The following MATR3 variants were observed in gnomAD, a reference collection of about 807,000 sequenced individuals.
MATR3 encodes the protein matrin 3, also known as matrin-3.
A neutral mutation model predicts 85.5 loss-of-function variants in MATR3; 4 were observed. That is an observed-to-expected ratio of 0.05 (90% confidence interval 0.02 to 0.11). The LOEUF (loss-of-function observed/expected upper bound fraction) is 0.11. Among genes scored for constraint, MATR3 ranks in the 10% least tolerant of loss-of-function variants. The pLI is 1.00. For missense variants in MATR3, 685 were observed against 1,016.1 expected, an observed-to-expected ratio of 0.67 and a Z score of 4.43; for synonymous variants, 336 against 343.1, an observed-to-expected ratio of 0.98 and a Z score of 0.23.
At chr5:139,320,318 A>G (rs975899971) in intron 9 of MATR3, among the ~76,000 whole-genome samples, 2 of 152,030 alleles carry the variant, frequency 1.3e-5, no homozygotes. Context: ...AAAAAAAAAA[A>G]TTTAGAGTTA....
intron 3 of MATR3, among the ~76,000 whole-genome samples, chr5:139,281,647 C>G (rs1188212298): frequency 6.6e-6 from 1 of 152,062 alleles, no homozygotes; most frequent in East Asian, 1.9e-4. Context: ...CTACCACACC[C>G]AGCCGAAGTA....
At chr5:139,319,578 A>G (rs1755433695) in intron 9 of MATR3, 77 bp downstream of exon 9, 4 of 1,346,468 alleles carry the variant, frequency 3.0e-6, no homozygotes, top group African/African-American at 1.5e-5. Context: ...GCTGGGCGTC[A>G]TTCCTCAACC....
At chr5:139,322,094 C>G in intron 10 of MATR3, 65 bp downstream of exon 10, 1 of 1,536,096 alleles carries the variant, frequency 6.5e-7, no homozygotes, top group South Asian at 1.1e-5. Flanking sequence ...CCACAACATT[C>G]TTTTAAACAT....
chr5:139,318,802 C>T (rs1755390737), intron 7 of MATR3, 106 bp from the exon 8 acceptor site: 4 of 1,018,372 alleles, frequency 3.9e-6, no homozygotes, highest in Non-Finnish European at 6.0e-6. Context: ...TTAAATATAT[C>T]TGAAAAGATT....
rs541164799 is a variant in MATR3 at position 139,328,583 on chromosome 5, A to G, written c.2494-762A>G. Among the ~76,000 whole-genome samples the G allele has an allele frequency of 1.1e-4, 16 of 152,298 alleles. 1 individual carries two copies. The South Asian group carries it at 1.5e-3, about 14-fold the overall frequency. On this transcript the variant is annotated intron_variant, in intron 14 of 14. Transcript: ENST00000394805. ...AGCCATAATCATTTAAGTGTCATCT[A>G]TAGTTGTTTTAGTTTATAATTGAGT...
rs1033118784 is a variant in MATR3, at chr5:139,319,497, G to A, written c.1598G>A (p.Ser533Asn). ...AATTACATATTGATGAGGATGAAAA[G>A]TCAGGTAATATACATAAGGAAGTTT... ...IKNYILMRMK[S>N]QAFIEMETRE... Residue 533 changes from serine (S) to asparagine (N), a missense_variant, in exon 9 of 15, where the codon AGT (serine) becomes AAT (asparagine). Physicochemically the swap from Ser to Asn is conservative, Grantham distance 46. Transcript: ENST00000394805. 2.0e-5 allele frequency: 32 copies of A among 1,612,444 alleles called. No homozygotes were observed. Among genetic ancestry groups the A allele is most frequent in the Non-Finnish European group, 2.6e-5 (31 of 1,179,048 alleles).
chr5:139,309,447 A>T (rs749749105), intron 2 of MATR3, among the ~76,000 whole-genome samples: 8 of 152,140 alleles, frequency 5.3e-5, no homozygotes, highest in Non-Finnish European at 1.2e-4. Flanking sequence ...AGCATTTTTT[A>T]GTAAATGAGT....
At chr5:139,289,254 T>G (rs1413229028), upstream of MATR3, among the ~76,000 whole-genome samples, 1 of 152,220 alleles carries the variant, frequency 6.6e-6, no homozygotes, top group Admixed American at 6.5e-5. Flanking sequence ...TCACAATGGC[T>G]ATTTAAACAT....
chr5:139,328,137 C>T (rs1342977297), intron 14 of MATR3, among the ~76,000 whole-genome samples: 1 of 150,786 alleles, frequency 6.6e-6, no homozygotes, highest in East Asian at 1.9e-4. Flanking sequence ...GCTGGGATTA[C>T]AGGCGTGAGC....
At chr5:139,313,752 A>G (rs1275940396) in intron 2 of MATR3, 1 of 152,198 alleles carries the variant, frequency 6.6e-6, no homozygotes, top group Non-Finnish European at 1.5e-5. Flanking sequence ...ATTTTGATAA[A>G]TGGGATTCGT....
intron 13 of MATR3, 109 bp from the exon 14 acceptor site, chr5:139,326,054 G>A: frequency 3.9e-6 from 4 of 1,035,608 alleles, no homozygotes; most frequent in Non-Finnish European, 5.8e-6. Flanking sequence ...GGCTGTATTG[G>A]ACTTCTCAAA....
Position 139,329,852 on chromosome 5 carries a change from C to A in MATR3, c.*457C>A. The A allele has an allele frequency of 2.2e-6, 1 of 454,462 alleles. No individual in the cohort carries two copies. The highest frequency in any genetic ancestry group is 1.6e-5 in the South Asian group (1 of 64,472). The allele number at this position is 454,462 out of a possible 1,614,324, so 28.2% of individuals were successfully genotyped here. A position where few individuals can be genotyped will look rare whatever the true frequency, so the allele number is the denominator to read the frequency against. ...GCAGACTTTCATTTGGAGTTTGAACCCGTTTTGGTTGCATTTCATTTTTGG... is the reference window on the plus strand; with the variant it reads ...GCAGACTTTCATTTGGAGTTTGAACACGTTTTGGTTGCATTTCATTTTTGG... On this transcript the variant is annotated 3_prime_UTR_variant, in exon 15 of 15. Transcript: ENST00000394805.
Position 139,330,956 on chromosome 5 carries a change from A to G in MATR3, c.*1561A>G, listed in dbSNP as rs544182250. 6.6e-6 allele frequency: 3 copies of G among 454,036 alleles called. No homozygotes were observed. Among genetic ancestry groups the G allele is most frequent in the Admixed American group, 4.7e-5 (2 of 42,574 alleles). The allele number at this position is 454,036 out of a possible 1,614,324, so 28.1% of individuals were successfully genotyped here. A position where few individuals can be genotyped will look rare whatever the true frequency, so the allele number is the denominator to read the frequency against. On this transcript the variant is annotated 3_prime_UTR_variant, in exon 15 of 15. Transcript: ENST00000394805. ...CAGGCTCATGCCACTATACCTGGCT[A>G]GTTTTTGGTTTTTTTGTATAGATGG... is the stretch of plus-strand genomic sequence containing the variant.
intron 4 of MATR3, 133 bp from the exon 5 acceptor site, chr5:139,315,943 C>G (rs1581245897): frequency 1.3e-6 from 1 of 797,248 alleles, no homozygotes; most frequent in Non-Finnish European, 2.2e-6. Context: ...AGACTTTGAC[C>G]TAGTTACTTC....
rs1755607403 is a variant in MATR3 at position 139,322,176 on chromosome 5, T to C, written c.1734+147T>C. 7.8e-6 allele frequency: 8 copies of C among 1,029,832 alleles called. No homozygotes were observed. In the South Asian group the frequency reaches 1.0e-4, roughly 13 times the overall value. The allele number at this position is 1,029,832 out of a possible 1,614,324, so 63.8% of individuals were successfully genotyped here. A position where few individuals can be genotyped will look rare whatever the true frequency, so the allele number is the denominator to read the frequency against. ...TTATTGAAAGAGAACAACCTTTTTTTCTGGTCTTTAATGGCAGAAGTTTTT... is the reference window on the plus strand; with the variant it reads ...TTATTGAAAGAGAACAACCTTTTTTCCTGGTCTTTAATGGCAGAAGTTTTT... On this transcript the variant is annotated intron_variant, in intron 10 of 14. Coordinates refer to ENST00000394805, the MANE Select transcript of MATR3 (RefSeq NM_018834.6).
chr5:139,322,994 T>TA (rs1300853931), intron 12 of MATR3, 27 bp downstream of exon 12: 1 of 1,551,696 alleles, frequency 6.4e-7, no homozygotes, highest in South Asian at 1.2e-5. Flanking sequence ...TGATTTGTTT[T>TA]AATAGAACAT....
chr5:139,323,768 C>G (rs1755700750), intron 12 of MATR3, among the ~76,000 whole-genome samples: 1 of 152,098 alleles, frequency 6.6e-6, no homozygotes, highest in South Asian at 2.1e-4. Flanking sequence ...GTGGCACATA[C>G]CTGTAGCAGC....
chr5:139,280,365 C>G (rs950577457), intron 3 of MATR3, among the ~76,000 whole-genome samples: 7 of 152,202 alleles, frequency 4.6e-5, no homozygotes, highest in African/African-American at 1.7e-4. Flanking sequence ...GAAAGTTGAA[C>G]AGCTCATTAG....
At chr5:139,311,304 G>A (rs1266820684) in intron 2 of MATR3, 1 of 152,126 alleles carries the variant, frequency 6.6e-6, no homozygotes, top group East Asian at 1.9e-4. Flanking sequence ...TTTTCCTACA[G>A]AAATGTCTGA....
Sources: allele counts gnomAD v4.1 joint callset (sites outside exome capture counted in the v4.1 genomes callset), GRCh38; gene constraint gnomAD v4.1.1; transcripts MANE v1.5; gene names NCBI Gene and HGNC (gene_info 2026-07-23, HGNC 2026-07-21).